OTUD7B: variants seen among roughly 807,000 people sequenced by gnomAD.
OTUD7B encodes the protein OTU domain-containing protein 7B.
OTUD7B carries 34 observed loss-of-function variants against 82.2 expected under a neutral mutation model. The ratio of observed to expected loss-of-function variants is 0.41; its 90% CI spans 0.31 to 0.55. OTUD7B has a LOEUF of 0.55. OTUD7B is among the 20% of genes least tolerant of loss of function. The pLI is 0.20. For missense variants in OTUD7B, 944 were observed against 1,062.1 expected (o/e 0.89, Z 1.55); for synonymous variants, 398 against 402.7 (o/e 0.99, Z 0.14).
At chr1:150,022,394 T>TCAAAAA in the OTUD7B span, among the ~76,000 whole-genome samples, 2 of 116,860 alleles carry the variant, frequency 1.7e-5, 1 homozygote, top group African/African-American at 6.7e-5. Context: ...CGAAACTCTC[T>TCAAAAA]ACAAAAAAAA....
At chr1:149,989,147 T>C (rs1027549441) in intron 1 of OTUD7B, among the ~76,000 whole-genome samples, 2 of 152,130 alleles carry the variant, frequency 1.3e-5, no homozygotes, top group African/African-American at 2.4e-5. Flanking sequence ...TTAATTTCCC[T>C]CAGCATACAA....
the OTUD7B span, among the ~76,000 whole-genome samples, chr1:150,032,340 A>G: frequency 6.6e-6 from 1 of 151,250 alleles, no homozygotes; most frequent in East Asian, 1.9e-4. Context: ...AAAAAAGCAC[A>G]CCATGAGGCC....
the OTUD7B span, among the ~76,000 whole-genome samples, chr1:150,039,578 G>A: frequency 2.0e-5 from 3 of 152,054 alleles, no homozygotes; most frequent in African/African-American, 7.2e-5. Flanking sequence ...GAGTTTCACC[G>A]TGTTAGCCAG....
chr1:150,058,946 A>T, the OTUD7B span, among the ~76,000 whole-genome samples: 2 of 152,150 alleles, frequency 1.3e-5, no homozygotes, highest in African/African-American at 4.8e-5. Flanking sequence ...CTTACAAAAT[A>T]TACCAAATCT....
chr1:149,953,207 C>G (rs1468236530), intron 7 of OTUD7B, among the ~76,000 whole-genome samples: 4 of 152,188 alleles, frequency 2.6e-5, no homozygotes, highest in African/African-American at 9.7e-5. Flanking sequence ...TTTAATCCAT[C>G]TTGAGTTAAC....
intron 1 of OTUD7B, among the ~76,000 whole-genome samples, chr1:149,981,014 CAAAAAAAAAA>C (rs1156427665): frequency 2.1e-4 from 12 of 57,720 alleles, no homozygotes; most frequent in South Asian, 1.6e-3. Flanking sequence ...GACCCTGTTT[CAAAAAAAAAA>C]AAAAAAAAAA....
intron 1 of OTUD7B, among the ~76,000 whole-genome samples, chr1:149,992,181 C>T (rs782566396): frequency 7.9e-5 from 12 of 152,218 alleles, no homozygotes; most frequent in Admixed American, 7.9e-4. Context: ...GCTGACATGG[C>T]GCCACTGCAC....
At chr1:150,013,781 G>T (rs1653170570), upstream of OTUD7B, among the ~76,000 whole-genome samples, 1 of 150,944 alleles carries the variant, frequency 6.6e-6, no homozygotes. Flanking sequence ...AATTAGCCAG[G>T]CGAGGTGGCG....
intron 1 of OTUD7B, among the ~76,000 whole-genome samples, chr1:149,991,058 G>A (rs1191431053): frequency 6.6e-6 from 1 of 151,962 alleles, no homozygotes; most frequent in East Asian, 1.9e-4. Flanking sequence ...CTATGTATTC[G>A]GACTTAGAAT....
rs144255257 is a variant in OTUD7B at position 150,009,238 on chromosome 1, G to C, written c.-67+1210C>G. The stretch of plus-strand genomic sequence containing the variant: ...ATCAGGAATGCAATCTCATTTAGTA[G>C]GAAGAAAATTTTCTACATGTTTTCA... On this transcript the variant is annotated intron_variant, in intron 1 of 11. Coordinates refer to ENST00000581312, the MANE Select transcript of OTUD7B (RefSeq NM_020205.4). 3.3e-4 allele frequency among the ~76,000 whole-genome samples: 50 copies of C among 152,234 alleles called. 1 individual carries two copies. The highest frequency in any genetic ancestry group is 1.1e-3 in the African/African-American group (47 of 41,548).
chr1:149,973,156 A>T (rs187561467), intron 2 of OTUD7B, among the ~76,000 whole-genome samples: 71 of 152,332 alleles, frequency 4.7e-4, no homozygotes, highest in African/African-American at 1.7e-3. Context: ...TTAGGAAGGA[A>T]TTCTCTATCT....
intron 1 of OTUD7B, among the ~76,000 whole-genome samples, chr1:149,999,350 A>G (rs946992572): frequency 2.6e-5 from 4 of 152,166 alleles, no homozygotes; most frequent in African/African-American, 9.7e-5. Context: ...CTCAAATTCT[A>G]TTTTCAGAGT....
rs141109926 is a variant in OTUD7B, at chr1:149,951,850, G to A, written c.846-1629C>T. On this transcript the variant is annotated intron_variant, in intron 7 of 11. Transcript: ENST00000581312. Reference sequence around the variant, plus strand: ...AAATGATAATATACTAAACACTCATGTATCCATCACCCAGCTTTAACAATT... The same window carrying A: ...AAATGATAATATACTAAACACTCATATATCCATCACCCAGCTTTAACAATT... Among the ~76,000 whole-genome samples the A allele has an allele frequency of 5.1e-3, 768 of 151,328 alleles. 3 individuals carry two copies. The highest frequency in any genetic ancestry group is 0.018 in the African/African-American group (724 of 41,250).
chr1:149,949,071 A>G lies in OTUD7B; in HGVS notation c.1136T>C (p.Leu379Pro). Reference sequence around the variant, plus strand: ...CAGCAGCTTATACTCTGAATCTGTAAGTGGGATCACAGCTGGAGAGGAAGA... The same window carrying G: ...CAGCAGCTTATACTCTGAATCTGTAGGTGGGATCACAGCTGGAGAGGAAGA... Reference protein sequence around the residue: ...ENTKEQAVIPLTDSEYKLLPL... With the variant: ...ENTKEQAVIPPTDSEYKLLPL... Residue 379 changes from leucine to proline, a missense_variant, in exon 10 of 12, where the codon CTT becomes CCT. By Grantham distance (98) the Leu-to-Pro change is moderately conservative. Transcript: ENST00000581312. 1.2e-6 allele frequency: 2 copies of G among 1,609,174 alleles called. No individual in the cohort carries two copies. Among genetic ancestry groups the G allele is most frequent in the Non-Finnish European group, 8.5e-7 (1 of 1,175,480 alleles).
intron 1 of OTUD7B, among the ~76,000 whole-genome samples, chr1:150,002,859 T>C (rs1363537358): frequency 2.0e-5 from 3 of 152,204 alleles, no homozygotes; most frequent in Non-Finnish European, 4.4e-5. Context: ...TTGAAAGGAA[T>C]TCTGCTTTCT....
At chr1:150,055,339 G>A in the OTUD7B span, among the ~76,000 whole-genome samples, 8 of 151,676 alleles carry the variant, frequency 5.3e-5, no homozygotes, top group East Asian at 1.4e-3. Flanking sequence ...CGCCCGGCCT[G>A]GTGTTCTAAA....
chr1:149,978,918 A>G (rs1423091588), intron 1 of OTUD7B, among the ~76,000 whole-genome samples: 2 of 152,188 alleles, frequency 1.3e-5, no homozygotes, highest in Non-Finnish European at 2.9e-5. Context: ...GGAAAGGTCA[A>G]AGCATAATTG....
At chr1:149,964,879 C>A (rs1477866200) in intron 5 of OTUD7B, among the ~76,000 whole-genome samples, 1 of 150,010 alleles carries the variant, frequency 6.7e-6, no homozygotes, top group Non-Finnish European at 1.5e-5. Context: ...CAGGCGTGAG[C>A]CACCACGCCT....
intron 7 of OTUD7B, among the ~76,000 whole-genome samples, chr1:149,957,582 A>T (rs1648779910): frequency 1.3e-5 from 2 of 152,214 alleles, no homozygotes; most frequent in Non-Finnish European, 2.9e-5. Flanking sequence ...GGGACGTTTA[A>T]GTCTGCAGAA....
Sources: allele counts gnomAD v4.1 joint callset (sites outside exome capture counted in the v4.1 genomes callset), GRCh38; gene constraint gnomAD v4.1.1; transcripts MANE v1.5; gene names NCBI Gene and HGNC (gene_info 2026-07-23, HGNC 2026-07-21).